LDB2: variants seen among roughly 807,000 people sequenced by gnomAD.
LDB2 encodes the protein LIM domain binding 2, also known as LIM domain-binding protein 2.
In LDB2, 12 loss-of-function variants were observed where a neutral mutation model predicts 44.3. That is an observed-to-expected ratio of 0.27 (90% CI 0.17 to 0.44). The LOEUF is 0.44. LDB2 is among the 20% of genes least tolerant of loss of function. The pLI is 1.00. For synonymous variants in LDB2, 164 were observed against 174.8 expected, an observed-to-expected ratio of 0.94 and a Z score of 0.49; for missense variants, 344 against 473.5, an observed-to-expected ratio of 0.73 and a Z score of 2.54.
chr4:16,522,192 C>T (rs1726374015), intron 5 of LDB2, among the ~76,000 whole-genome samples: 1 of 151,922 alleles, frequency 6.6e-6, no homozygotes, highest in Non-Finnish European at 1.5e-5. Context: ...AAGAGGGGGG[C>T]AGGGGTTTCA....
intron 4 of LDB2, among the ~76,000 whole-genome samples, chr4:16,586,526 A>AC (rs71181177): frequency 9.5e-4 from 62 of 65,044 alleles, no homozygotes; most frequent in South Asian, 2.1e-3. Flanking sequence ...ACACACACAC[A>AC]AAACACACAC....
intron 2 of LDB2, among the ~76,000 whole-genome samples, chr4:16,598,883 T>TC: frequency 6.6e-6 from 1 of 151,458 alleles, no homozygotes; most frequent in Admixed American, 6.6e-5. Context: ...CTTTCTTTTT[T>TC]TTTTTTTTTT....
chr4:16,592,404 G>T (rs953382877), intron 3 of LDB2, among the ~76,000 whole-genome samples: 1 of 147,982 alleles, frequency 6.8e-6, no homozygotes, highest in Non-Finnish European at 1.5e-5. Context: ...CTTGTGCAAA[G>T]CTCATTGTAT....
chr4:16,605,117 A>T (rs145957521), intron 2 of LDB2, among the ~76,000 whole-genome samples: 112 of 152,330 alleles, frequency 7.4e-4, no homozygotes, highest in African/African-American at 2.3e-3. Flanking sequence ...AAAAAGGAAC[A>T]TACTTAACAT....
At chr4:16,759,838 A>T (rs1343426275) in intron 1 of LDB2, among the ~76,000 whole-genome samples, 1 of 152,208 alleles carries the variant, frequency 6.6e-6, no homozygotes, top group Non-Finnish European at 1.5e-5. Flanking sequence ...GATTGTTTTA[A>T]GAGGACAGGC....
chr4:16,745,631 C>G (rs188214471), intron 2 of LDB2, among the ~76,000 whole-genome samples: 12 of 152,154 alleles, frequency 7.9e-5, no homozygotes, highest in Admixed American at 6.5e-4. Context: ...ATGGAGGACC[C>G]CATACTGCGT....
intron 2 of LDB2, among the ~76,000 whole-genome samples, chr4:16,743,877 T>C (rs1332392032): frequency 1.3e-5 from 2 of 152,190 alleles, no homozygotes; most frequent in Non-Finnish European, 2.9e-5. Flanking sequence ...ATGTGTGTCA[T>C]TTCGATTCAC....
Position 16,762,195 on chromosome 4 carries a change from C to CAAA in LDB2, c.133-2938_133-2936dup, listed in dbSNP as rs553883305. Among the ~76,000 whole-genome samples the CAAA allele has an allele frequency of 4.0e-3, 584 of 146,314 alleles. 3 individuals are homozygous for CAAA. Among genetic ancestry groups the CAAA allele is most frequent in the Middle Eastern group, 7.2e-3 (2 of 276 alleles). Reference sequence around the variant, plus strand: ...TGGGTGACAGAGTGAGACCTGGTCTCAAAAAAAAAATGAACTTTATAAAAT... The same window carrying CAAA: ...TGGGTGACAGAGTGAGACCTGGTCTCAAAAAAAAAAAAATGAACTTTATAAAAT... On this transcript the variant is annotated intron_variant, in intron 1 of 7. Coordinates refer to ENST00000304523, the MANE Select transcript of LDB2 (RefSeq NM_001290.5).
At chr4:16,850,947 A>ATGTGTGTGTGTGTGT (rs71649986) in intron 1 of LDB2, among the ~76,000 whole-genome samples, 2 of 143,178 alleles carry the variant, frequency 1.4e-5, no homozygotes, top group African/African-American at 5.3e-5. Flanking sequence ...TAAAACCATA[A>ATGTGTGTGTGTGTGT]GTGTGTGTGT....
At chr4:16,690,328 T>G (rs1750329027) in intron 2 of LDB2, among the ~76,000 whole-genome samples, 1 of 151,204 alleles carries the variant, frequency 6.6e-6, no homozygotes, top group South Asian at 2.1e-4. Context: ...CTGGGAATGG[T>G]GGTGCACACT....
chr4:16,867,885 C>T (rs549539672), intron 1 of LDB2, among the ~76,000 whole-genome samples: 1 of 152,318 alleles, frequency 6.6e-6, no homozygotes, highest in African/African-American at 2.4e-5. Flanking sequence ...TCCATGACAA[C>T]ATTCTATCCC....
At chr4:16,874,406 C>T (rs1217058076) in intron 1 of LDB2, among the ~76,000 whole-genome samples, 2 of 152,118 alleles carry the variant, frequency 1.3e-5, no homozygotes, top group African/African-American at 2.4e-5. Flanking sequence ...GCATGTTTTA[C>T]AATTAGACTA....
At chr4:16,740,206 A>G (rs1035410048) in intron 2 of LDB2, among the ~76,000 whole-genome samples, 2 of 152,230 alleles carry the variant, frequency 1.3e-5, no homozygotes, top group Admixed American at 6.5e-5. Context: ...AAACTGTGAC[A>G]TCTTCCATTT....
chr4:16,605,029 C>T (rs966583648), intron 2 of LDB2, among the ~76,000 whole-genome samples: 2 of 152,188 alleles, frequency 1.3e-5, no homozygotes, highest in Admixed American at 6.5e-5. Flanking sequence ...TTCCCAGCAG[C>T]ATCTCCTAAT....
At chr4:16,856,082 C>T (rs1246306532) in intron 1 of LDB2, among the ~76,000 whole-genome samples, 1 of 152,110 alleles carries the variant, frequency 6.6e-6, no homozygotes. Context: ...CTATGTGAGG[C>T]CAATTTTCTT....
At chr4:16,596,776 G>C (rs1337441136) in intron 2 of LDB2, among the ~76,000 whole-genome samples, 1 of 152,150 alleles carries the variant, frequency 6.6e-6, no homozygotes, top group Non-Finnish European at 1.5e-5. Flanking sequence ...TTCAGCGATT[G>C]TGTAAGTAGC....
chr4:16,881,049 G>A lies in LDB2; in HGVS notation c.132+17305C>T, dbSNP rs535665469. ...ACAGATACTGGTCCCACAGTTGAAT[G>A]TGGGGATCACTGAGGAACCAAAATC... On this transcript the variant is annotated intron_variant, in intron 1 of 7. Transcript: ENST00000304523. 2.0e-5 allele frequency among the ~76,000 whole-genome samples: 3 copies of A among 152,286 alleles called. No individual in the cohort carries two copies. In the East Asian group the frequency reaches 5.8e-4, roughly 29 times the overall value.
chr4:16,821,711 G>C (rs890135851), intron 1 of LDB2, among the ~76,000 whole-genome samples: 28 of 114,074 alleles, frequency 2.5e-4, no homozygotes, highest in Non-Finnish European at 3.9e-4. Context: ...TTTTATCCTT[G>C]GTACCTGAAA....
At chr4:16,705,646 T>C (rs112502579) in intron 2 of LDB2, among the ~76,000 whole-genome samples, 128 of 152,314 alleles carry the variant, frequency 8.4e-4, no homozygotes, top group African/African-American at 3.0e-3. Flanking sequence ...CACTCTGTTT[T>C]AATGTTATGC....
Sources: gnomAD v4.1 joint callset for allele counts (sites outside exome capture counted in the v4.1 genomes callset) on GRCh38, gnomAD v4.1.1 for gene constraint, MANE v1.5 for transcripts, NCBI Gene and HGNC (gene_info 2026-07-23, HGNC 2026-07-21) for gene names.